Variants in OPCML observed in about 807,000 individuals in gnomAD.
The protein encoded by OPCML is opioid-binding protein/cell adhesion molecule.
Under a neutral mutation model 37.8 loss-of-function variants are expected in OPCML, and 13 were observed. That is an observed-to-expected ratio of 0.34 (90% confidence interval 0.22 to 0.55). OPCML has a LOEUF of 0.55. OPCML is among the 20% of genes least tolerant of loss of function. The pLI is 0.91. For synonymous variants in OPCML, 176 were observed against 168.8 expected, an observed-to-expected ratio of 1.04 and a Z score of -0.33; for missense variants, 341 against 435.6, an observed-to-expected ratio of 0.78 and a Z score of 1.93.
At chr11:132,657,407 A>AT in intron 2 of OPCML, 88 bp from the exon 3 acceptor site, 2 of 1,493,758 alleles carry the variant, frequency 1.3e-6, no homozygotes, top group Non-Finnish European at 1.8e-6. Flanking sequence ...AAGACGTTGC[A>AT]TTTTGAGGAG....
In OPCML at chr11:133,173,602, C is replaced by G. The variant is rs1950317584; in HGVS notation, c.62-230592G>C. On this transcript the variant is annotated intron_variant, in intron 1 of 7. Coordinates refer to ENST00000524381, the MANE Select transcript of OPCML (RefSeq NM_001012393.5). This position sits in a 1 kb window ranked among gnomAD's most constrained non-coding sequence, Gnocchi z 7.8. Reference sequence around the variant, plus strand: ...CAAATCACATCACCTTTCAAATCACCCCCCAGATGCCTCTCATTGCAAAAA... The same window carrying G: ...CAAATCACATCACCTTTCAAATCACGCCCCAGATGCCTCTCATTGCAAAAA... 6.6e-6 allele frequency among the ~76,000 whole-genome samples: 1 copy of G among 152,134 alleles called. No individual in the cohort carries two copies. Among genetic ancestry groups the G allele is most frequent in the African/African-American group, 2.4e-5 (1 of 41,418 alleles).
intron 3 of OPCML, among the ~76,000 whole-genome samples, chr11:132,577,456 CA>C (rs1268065305): frequency 6.6e-6 from 1 of 151,930 alleles, no homozygotes; most frequent in African/African-American, 2.4e-5. Context: ...TTTATATGCC[CA>C]CACCTTCACA....
chr11:132,852,904 T>TAA (rs200422398), intron 2 of OPCML, among the ~76,000 whole-genome samples: 8 of 138,088 alleles, frequency 5.8e-5, no homozygotes, highest in South Asian at 4.6e-4. Context: ...AAAAGGTTGT[T>TAA]AAAAAAAAAA....
chr11:133,123,604 C>T (rs1044761642), intron 1 of OPCML, among the ~76,000 whole-genome samples: 9 of 152,076 alleles, frequency 5.9e-5, no homozygotes, highest in African/African-American at 1.2e-4. Context: ...CTGGTCAGCC[C>T]GGCATGCTTG....
chr11:132,516,066 T>TA (rs111467815), intron 4 of OPCML, among the ~76,000 whole-genome samples: 2 of 151,934 alleles, frequency 1.3e-5, no homozygotes, highest in Non-Finnish European at 2.9e-5. Context: ...AGGTCTCCAG[T>TA]AAAAAAAAGT....
chr11:133,220,893 C>T (rs759324147), intron 1 of OPCML, among the ~76,000 whole-genome samples: 7 of 152,184 alleles, frequency 4.6e-5, no homozygotes, highest in Non-Finnish European at 7.3e-5. Flanking sequence ...TCTGCTTAGC[C>T]ATGGAAGATC....
At chr11:132,805,267 GA>G (rs1452602116) in intron 2 of OPCML, among the ~76,000 whole-genome samples, 1 of 152,138 alleles carries the variant, frequency 6.6e-6, no homozygotes, top group Non-Finnish European at 1.5e-5. Context: ...GCAATTTTAA[GA>G]GAAGAAAAAA....
intron 3 of OPCML, among the ~76,000 whole-genome samples, chr11:132,557,437 T>A (rs2096398320): frequency 6.6e-6 from 1 of 152,212 alleles, no homozygotes. Flanking sequence ...GAAGCCTTAC[T>A]CTGTCGGTGC....
chr11:133,025,228 A>G (rs1947529292), intron 1 of OPCML: 7 of 732,360 alleles, frequency 9.6e-6, no homozygotes, highest in Non-Finnish European at 1.2e-5. Flanking sequence ...AATGTAAATT[A>G]TTTTTATTTG....
intron 4 of OPCML, among the ~76,000 whole-genome samples, chr11:132,527,995 G>A (rs954792685): frequency 3.3e-5 from 5 of 152,122 alleles, no homozygotes; most frequent in African/African-American, 7.2e-5. Flanking sequence ...GGGGAAAGAC[G>A]TGGAATGGAT....
chr11:133,063,571 T>A (rs549771076), intron 1 of OPCML, among the ~76,000 whole-genome samples: 107 of 151,908 alleles, frequency 7.0e-4, no homozygotes, highest in African/African-American at 2.5e-3. Context: ...GCTGTTGGTT[T>A]TTTTTTTCGG....
intron 1 of OPCML, among the ~76,000 whole-genome samples, chr11:133,197,315 A>G (rs573880839): frequency 2.0e-5 from 3 of 152,332 alleles, no homozygotes; most frequent in Non-Finnish European, 4.4e-5. Context: ...AGAATGATAC[A>G]TTGTCCTTTA....
intron 3 of OPCML, among the ~76,000 whole-genome samples, chr11:132,549,402 TC>T (rs1474779077): frequency 2.6e-5 from 4 of 152,180 alleles, no homozygotes; most frequent in African/African-American, 9.7e-5. Context: ...TAGCATATAA[TC>T]AAGAAATAAC....
chr11:132,758,068 T>C (rs1285459055), intron 2 of OPCML, among the ~76,000 whole-genome samples: 2 of 152,204 alleles, frequency 1.3e-5, no homozygotes, highest in African/African-American at 4.8e-5. Flanking sequence ...CCTTTCCCCA[T>C]TGCTTGTTTT....
intron 1 of OPCML, among the ~76,000 whole-genome samples, chr11:133,091,715 G>T (rs1948909535): frequency 2.0e-5 from 3 of 152,130 alleles, no homozygotes; most frequent in Non-Finnish European, 4.4e-5. Flanking sequence ...TATTTCAAAA[G>T]CATATAATTT....
chr11:133,012,870 CAAAA>C (rs11456619), intron 1 of OPCML, among the ~76,000 whole-genome samples: 1 of 113,246 alleles, frequency 8.8e-6, no homozygotes. Context: ...AACTCCATCT[CAAAA>C]AAAAAAAAAA....
At chr11:133,273,522 G>A (rs986596867) in intron 1 of OPCML, among the ~76,000 whole-genome samples, 15 of 152,288 alleles carry the variant, frequency 9.8e-5, no homozygotes, top group African/African-American at 3.4e-4. Flanking sequence ...GGCCCATTAT[G>A]TTCTTTCTCT....
intron 1 of OPCML, among the ~76,000 whole-genome samples, chr11:133,264,866 G>A (rs539082356): frequency 6.6e-6 from 1 of 152,266 alleles, no homozygotes; most frequent in African/African-American, 2.4e-5. Flanking sequence ...ACTTTCGGAG[G>A]GAGGGTTCTA....
At chr11:133,493,161 AC>A (rs1947703438) in intron 1 of OPCML, among the ~76,000 whole-genome samples, 1 of 152,116 alleles carries the variant, frequency 6.6e-6, no homozygotes, top group Non-Finnish European at 1.5e-5. Context: ...CCAGAAGGCC[AC>A]CCCCATCCTG....
Sources: allele counts gnomAD v4.1 joint callset (sites outside exome capture counted in the v4.1 genomes callset), GRCh38; gene constraint gnomAD v4.1.1; non-coding constraint Gnocchi (gnomAD v3.1); transcripts MANE v1.5; gene names NCBI Gene and HGNC (gene_info 2026-07-23, HGNC 2026-07-21).